PCM1: variants seen among roughly 807,000 people sequenced by gnomAD.
The protein encoded by PCM1 is pericentriolar material 1.
In PCM1, 157 loss-of-function variants were observed where a neutral mutation model predicts 241.9. That is an observed-to-expected ratio of 0.65 (90% CI 0.57 to 0.74). The LOEUF (loss-of-function observed/expected upper bound fraction) is 0.74, where lower values mean the gene tolerates loss of function less well. Among genes scored for constraint, PCM1 ranks in the 30% least tolerant of loss-of-function variants. PCM1 has a pLI of 0.00. For synonymous variants in PCM1, 1,085 were observed against 784.9 expected (o/e 1.38, Z -6.39); for missense variants, 3,478 against 2,360.1 (o/e 1.47, Z -9.81).
intron 36 of PCM1, among the ~76,000 whole-genome samples, chr8:18,022,228 C>G (rs893249861): frequency 6.6e-6 from 1 of 152,160 alleles, no homozygotes; most frequent in African/African-American, 2.4e-5. Context: ...TCCCTAGGAG[C>G]AGGTGGCATC....
chr8:17,961,987 ATAATTGCT>A, intron 15 of PCM1, 39 bp from the exon 16 acceptor site: 1 of 1,543,104 alleles, frequency 6.5e-7, no homozygotes, highest in Non-Finnish European at 8.8e-7. Context: ...TGAAATTAAT[ATAATTGCT>A]TTAATTCCTC....
At chr8:17,978,304 A>T (rs2079471401) in intron 23 of PCM1, among the ~76,000 whole-genome samples, 1 of 152,112 alleles carries the variant, frequency 6.6e-6, no homozygotes. Flanking sequence ...CCAGGTGGAC[A>T]AGCAATAACT....
intron 29 of PCM1, 67 bp downstream of exon 29, chr8:17,993,686 C>G: frequency 7.4e-7 from 1 of 1,355,398 alleles, no homozygotes; most frequent in Admixed American, 2.4e-5. Flanking sequence ...TACAGAAGAC[C>G]TTATTGTGAT....
chr8:18,021,279 G>A (rs1201205385), intron 36 of PCM1, among the ~76,000 whole-genome samples: 1 of 152,078 alleles, frequency 6.6e-6, no homozygotes, highest in Non-Finnish European at 1.5e-5. Context: ...GAAGAAAAAC[G>A]TTTCAGATTA....
chr8:18,003,610 T>A (rs2090336522), intron 29 of PCM1, among the ~76,000 whole-genome samples: 1 of 152,102 alleles, frequency 6.6e-6, no homozygotes, highest in Non-Finnish European at 1.5e-5. Context: ...GGATCATAAT[T>A]ATTTGTATCT....
At chr8:17,980,570 T>C (rs2080367488) in intron 23 of PCM1, 21 bp from the exon 24 acceptor site, 1 of 1,562,070 alleles carries the variant, frequency 6.4e-7, no homozygotes, top group Non-Finnish European at 8.6e-7. Context: ...CTGATAACAG[T>C]TGTCACTTTT....
At chr8:18,026,532 T>A (rs1211174350) in intron 38 of PCM1, among the ~76,000 whole-genome samples, 1 of 151,882 alleles carries the variant, frequency 6.6e-6, no homozygotes, top group African/African-American at 2.4e-5. Context: ...GTGCTGAGAT[T>A]ACAGGCGTGA....
At chr8:18,009,122 G>T (rs565943373) in intron 30 of PCM1, among the ~76,000 whole-genome samples, 1 of 151,964 alleles carries the variant, frequency 6.6e-6, no homozygotes, top group East Asian at 1.9e-4. Flanking sequence ...AAATTAGAAT[G>T]GTTGTCTTAA....
intron 16 of PCM1, 34 bp downstream of exon 16, chr8:17,962,208 A>C: frequency 1.9e-6 from 3 of 1,553,710 alleles, no homozygotes; most frequent in Non-Finnish European, 2.6e-6. Flanking sequence ...TTCCTGAGTT[A>C]GTCTTTTGTT....
chr8:17,985,417 A>G (rs759211395), intron 24 of PCM1, 30 bp from the exon 25 acceptor site: 5 of 1,503,424 alleles, frequency 3.3e-6, no homozygotes, highest in Non-Finnish European at 4.5e-6. Context: ...CTTCATCAAT[A>G]TTAACTTTCT....
intron 32 of PCM1, 115 bp from the exon 33 acceptor site, chr8:18,011,122 A>C: frequency 1.6e-6 from 1 of 644,504 alleles, no homozygotes; most frequent in Non-Finnish European, 2.3e-6. Context: ...GACTATCAAA[A>C]ATGGTTCTTT....
intron 6 of PCM1, among the ~76,000 whole-genome samples, chr8:17,945,841 A>T (rs1255153176): frequency 6.6e-6 from 1 of 152,150 alleles, no homozygotes. Context: ...TTAGTCATTT[A>T]TTTGAAATTT....
chr8:17,932,692 A>C (rs1244684516), intron 2 of PCM1, among the ~76,000 whole-genome samples: 1 of 152,060 alleles, frequency 6.6e-6, no homozygotes, highest in Non-Finnish European at 1.5e-5. Flanking sequence ...CTTTTATGTG[A>C]ATAAAATCTG....
At chr8:17,924,361 G>A (rs1423413126) in intron 1 of PCM1, among the ~76,000 whole-genome samples, 3 of 152,200 alleles carry the variant, frequency 2.0e-5, no homozygotes, top group Non-Finnish European at 4.4e-5. Context: ...GATATACGAG[G>A]TTGTTACATA....
intron 6 of PCM1, among the ~76,000 whole-genome samples, chr8:17,941,534 T>A (rs1214963298): frequency 1.3e-5 from 2 of 151,166 alleles, no homozygotes; most frequent in African/African-American, 4.8e-5. Context: ...TTGTTTTTTT[T>A]TTTTTTTAAA....
At chr8:17,928,114 C>T (rs1157483979) in intron 2 of PCM1, among the ~76,000 whole-genome samples, 2 of 152,182 alleles carry the variant, frequency 1.3e-5, no homozygotes, top group East Asian at 1.9e-4. Context: ...TCACTTCTAC[C>T]AATTGTTTTC....
intron 1 of PCM1, among the ~76,000 whole-genome samples, chr8:17,924,395 C>G (rs997654067): frequency 6.6e-6 from 1 of 152,190 alleles, no homozygotes; most frequent in African/African-American, 2.4e-5. Context: ...GAAGCTCGAT[C>G]AATCAGAGGA....
intron 30 of PCM1, among the ~76,000 whole-genome samples, chr8:18,007,871 C>A (rs564477650): frequency 6.6e-6 from 1 of 152,062 alleles, no homozygotes; most frequent in African/African-American, 2.4e-5. Flanking sequence ...CATTGAACAT[C>A]ATAGTTGTTT....
At chr8:18,001,139 G>A (rs563833529) in intron 29 of PCM1, among the ~76,000 whole-genome samples, 11 of 152,292 alleles carry the variant, frequency 7.2e-5, no homozygotes, top group African/African-American at 2.2e-4. Context: ...GTACAAAAGC[G>A]GAGCCAGGGT....
Sources: allele counts gnomAD v4.1 joint callset (sites outside exome capture counted in the v4.1 genomes callset), GRCh38; gene constraint gnomAD v4.1.1; transcripts MANE v1.5; gene names NCBI Gene and HGNC (gene_info 2026-07-23, HGNC 2026-07-21).